SH3GLB1: variants seen among roughly 807,000 people sequenced by gnomAD.
The protein encoded by SH3GLB1 is endophilin-B1.
A neutral mutation model predicts 42.0 loss-of-function variants in SH3GLB1; 17 were observed. The ratio of observed to expected loss-of-function variants is 0.40; its 90% CI spans 0.28 to 0.61. SH3GLB1 has a LOEUF of 0.61. Ranked by LOEUF, SH3GLB1 falls within the 20% of genes least tolerant of loss-of-function variation. The probability of loss-of-function intolerance (pLI) is 0.36; values close to 1 mark genes in which losing one functional copy is unlikely to be tolerated. For missense variants in SH3GLB1, 355 were observed against 426.3 expected, an observed-to-expected ratio of 0.83 and a Z score of 1.47; for synonymous variants, 132 against 146.6, an observed-to-expected ratio of 0.90 and a Z score of 0.72.
At chr1:86,729,186 A>G (rs1272141470) in intron 5 of SH3GLB1, among the ~76,000 whole-genome samples, 4 of 152,194 alleles carry the variant, frequency 2.6e-5, no homozygotes, top group African/African-American at 9.6e-5. Flanking sequence ...ACATTAACCA[A>G]TAAAAAGTAT....
chr1:86,710,338 C>T (rs1654132731), intron 1 of SH3GLB1, among the ~76,000 whole-genome samples: 2 of 151,596 alleles, frequency 1.3e-5, no homozygotes, highest in African/African-American at 2.4e-5. Flanking sequence ...GATCTTGGCT[C>T]ACCGCAATCT....
intron 1 of SH3GLB1, among the ~76,000 whole-genome samples, chr1:86,711,109 A>G (rs1490971128): frequency 1.3e-5 from 2 of 152,206 alleles, no homozygotes; most frequent in Non-Finnish European, 2.9e-5. Context: ...ATTATTCAGA[A>G]TCTGTGTTAC....
At chr1:86,706,875 T>C (rs1364814009) in intron 1 of SH3GLB1, among the ~76,000 whole-genome samples, 3 of 152,234 alleles carry the variant, frequency 2.0e-5, no homozygotes, top group Non-Finnish European at 2.9e-5. Flanking sequence ...AATGTGTACT[T>C]CCCAAAGAAT....
In SH3GLB1 at chr1:86,704,787, C is replaced by T; in HGVS notation, c.-113C>T. The T allele has an allele frequency of 1.8e-6, 1 of 568,532 alleles. No homozygotes were observed. The highest frequency in any genetic ancestry group is 3.0e-6 in the Non-Finnish European group (1 of 335,304). 35.2% of individuals were successfully genotyped at this position (568,532 alleles called of 1,614,324 possible). On this transcript the variant is annotated 5_prime_UTR_variant, in exon 1 of 9. Transcript: ENST00000370558. The stretch of plus-strand genomic sequence containing the variant: ...TGCGGCTGCGGGGCTGGCGCCGCCT[C>T]CCTCCACCTACCACGTCTGCCCTCG...
intron 1 of SH3GLB1, among the ~76,000 whole-genome samples, chr1:86,706,438 C>G (rs1431117287): frequency 6.6e-6 from 1 of 152,182 alleles, no homozygotes; most frequent in African/African-American, 2.4e-5. Context: ...AAGCTAGCTG[C>G]CTTAACCCTT....
intron 1 of SH3GLB1, 146 bp downstream of exon 1, chr1:86,705,117 T>A: frequency 1.9e-6 from 1 of 531,130 alleles, no homozygotes; most frequent in Non-Finnish European, 3.2e-6. Flanking sequence ...CGCGGCCTGG[T>A]CCCCTCCCCG....
Position 86,737,751 on chromosome 1 carries a change from T to C in SH3GLB1, c.761+2572T>C, listed in dbSNP as rs78493793. Among the ~76,000 whole-genome samples the C allele has an allele frequency of 2.4e-3, 358 of 152,262 alleles. 3 individuals are homozygous for C. Among genetic ancestry groups the C allele is most frequent in the African/African-American group, 8.2e-3 (341 of 41,532 alleles). On this transcript the variant is annotated intron_variant, in intron 7 of 8. Coordinates refer to ENST00000370558, the MANE Select transcript of SH3GLB1 (RefSeq NM_016009.5). ...ATATGTATATAAATTATATAGTATA[T>C]TAGAAGGTGAAAATGGTGTACCGGA...
chr1:86,715,758 C>T lies in SH3GLB1; in HGVS notation c.107C>T (p.Thr36Ile). 1 of 1,609,232 alleles carries T rather than the reference C, an allele frequency of 6.2e-7. No individual in the cohort carries two copies. Among genetic ancestry groups the T allele is most frequent in the Non-Finnish European group, 8.5e-7 (1 of 1,178,890 alleles). Residue 36 changes from threonine (T) to isoleucine (I), a missense_variant, in exon 2 of 9, where the codon ACA (threonine) becomes ATA (isoleucine). Coordinates refer to ENST00000370558, the MANE Select transcript of SH3GLB1 (RefSeq NM_016009.5). ...TEEKLGQAEK[T>I]ELDAHLENLL... Reference sequence around the variant, plus strand: ...GAAAAGCTTGGCCAGGCTGAGAAGACAGAATTGGATGCTCACTTAGAGAAC... The same window carrying T: ...GAAAAGCTTGGCCAGGCTGAGAAGATAGAATTGGATGCTCACTTAGAGAAC...
At chr1:86,735,671 CTCAT>C (rs772387944) in intron 7 of SH3GLB1, among the ~76,000 whole-genome samples, 13 of 152,178 alleles carry the variant, frequency 8.5e-5, no homozygotes, top group Admixed American at 2.0e-4. Flanking sequence ...AGCTCAATCA[CTCAT>C]TCATCACGTA....
intron 1 of SH3GLB1, among the ~76,000 whole-genome samples, chr1:86,711,508 G>T (rs1014056564): frequency 1.5e-4 from 23 of 152,028 alleles, no homozygotes; most frequent in Non-Finnish European, 3.1e-4. Context: ...TTACTAAGAA[G>T]ATGCTTATTT....
chr1:86,743,942 C>T lies in SH3GLB1; in HGVS notation c.*707C>T, dbSNP rs146178664. On this transcript the variant is annotated 3_prime_UTR_variant, in exon 9 of 9. Coordinates refer to ENST00000370558, the MANE Select transcript of SH3GLB1 (RefSeq NM_016009.5). ...TTCTAGAAAATCTAGGACAAATTTACTTCATTAAACATAAAGTTTTTAAGA... is the reference window on the plus strand; with the variant it reads ...TTCTAGAAAATCTAGGACAAATTTATTTCATTAAACATAAAGTTTTTAAGA... 1.1e-3 allele frequency: 167 copies of T among 152,628 alleles called. No homozygotes were observed. The highest frequency in any genetic ancestry group is 3.9e-3 in the African/African-American group (161 of 41,546). 9.5% of individuals were successfully genotyped at this position (152,628 alleles called of 1,614,324 possible). A position where few individuals can be genotyped will look rare whatever the true frequency, so the allele number is the denominator to read the frequency against.
chr1:86,709,110 A>G (rs1056724886), intron 1 of SH3GLB1, among the ~76,000 whole-genome samples: 1 of 152,240 alleles, frequency 6.6e-6, no homozygotes, highest in Non-Finnish European at 1.5e-5. Flanking sequence ...ATCATTTTCA[A>G]TTCCAAATGA....
At chr1:86,723,263 G>A (rs1035358502) in intron 4 of SH3GLB1, among the ~76,000 whole-genome samples, 5 of 152,172 alleles carry the variant, frequency 3.3e-5, no homozygotes, top group African/African-American at 7.2e-5. Flanking sequence ...TGTAATCCTA[G>A]CACTTTGGGA....
intron 7 of SH3GLB1, 113 bp from the exon 8 acceptor site, chr1:86,742,095 A>G (rs1656085362): frequency 1.4e-6 from 1 of 700,850 alleles, no homozygotes; most frequent in Non-Finnish European, 2.4e-6. Context: ...ATTAATATCT[A>G]TAAATCTTTT....
At chr1:86,721,060 G>A (rs1286620759) in intron 3 of SH3GLB1, among the ~76,000 whole-genome samples, 1 of 152,116 alleles carries the variant, frequency 6.6e-6, no homozygotes, top group African/African-American at 2.4e-5. Context: ...CCTTCACCAG[G>A]CTGAAGAAGG....
rs1011612439 is a variant in SH3GLB1, at chr1:86,744,975, CAGAA to C, written c.*1743_*1746del. The stretch of plus-strand genomic sequence containing the variant: ...AAGTAAATGAAATTTTCTCTCCCCT[CAGAA>C]AGGAAGTTCTACAGCCTAGAGTACC... On this transcript the variant is annotated 3_prime_UTR_variant, in exon 9 of 9. Transcript: ENST00000370558. 2.0e-5 allele frequency: 3 copies of C among 152,312 alleles called. No homozygotes were observed. Among genetic ancestry groups the C allele is most frequent in the South Asian group, 2.1e-4 (1 of 4,824 alleles). 9.4% of individuals were successfully genotyped at this position (152,312 alleles called of 1,614,324 possible).
intron 1 of SH3GLB1, among the ~76,000 whole-genome samples, chr1:86,705,336 C>T (rs1327890073): frequency 3.9e-5 from 6 of 152,232 alleles, no homozygotes; most frequent in Admixed American, 3.3e-4. Context: ...GTAACCGAGA[C>T]ACAGGCCATT....
chr1:86,710,721 C>A (rs1193115215), intron 1 of SH3GLB1, among the ~76,000 whole-genome samples: 5 of 152,184 alleles, frequency 3.3e-5, no homozygotes, highest in Non-Finnish European at 7.3e-5. Flanking sequence ...GACCAGCTTA[C>A]TGAAAGAACC....
chr1:86,741,866 A>G (rs908988621), intron 7 of SH3GLB1, among the ~76,000 whole-genome samples: 2 of 152,168 alleles, frequency 1.3e-5, no homozygotes, highest in South Asian at 2.1e-4. Flanking sequence ...TTTTTCATCA[A>G]TATTTTTATT....
Sources: allele counts gnomAD v4.1 joint callset (sites outside exome capture counted in the v4.1 genomes callset), GRCh38; gene constraint gnomAD v4.1.1; transcripts MANE v1.5; gene names NCBI Gene and HGNC (gene_info 2026-07-23, HGNC 2026-07-21).